Variants in DOCK7 observed in about 807,000 individuals in gnomAD.
DOCK7 encodes the protein dedicator of cytokinesis 7.
DOCK7 carries 138 observed loss-of-function variants against 271.0 expected under a neutral mutation model. The ratio of observed to expected loss-of-function variants is 0.51; its 90% confidence interval spans 0.44 to 0.59. The LOEUF is 0.59. Ranked by LOEUF, DOCK7 falls within the 20% of genes least tolerant of loss-of-function variation. DOCK7 has a pLI of 0.00. For missense variants in DOCK7, 2,066 were observed against 2,592.4 expected (o/e 0.80, Z 4.41); for synonymous variants, 823 against 876.1 (o/e 0.94, Z 1.07).
intron 31 of DOCK7, 150 bp from the exon 32 acceptor site, chr1:62,514,048 C>A (rs975611809): frequency 6.0e-6 from 4 of 663,638 alleles, no homozygotes; most frequent in Non-Finnish European, 7.3e-6. Flanking sequence ...AACACTTGTA[C>A]AAAAGGATCA....
At chr1:62,508,305 G>C (rs1644373333) in intron 34 of DOCK7, among the ~76,000 whole-genome samples, 1 of 152,138 alleles carries the variant, frequency 6.6e-6, no homozygotes, top group Non-Finnish European at 1.5e-5. Flanking sequence ...AAATGTTTAT[G>C]TTTTAGCTTT....
At chr1:62,455,949 A>G (rs963157443) in intron 49 of DOCK7, among the ~76,000 whole-genome samples, 1 of 152,222 alleles carries the variant, frequency 6.6e-6, no homozygotes, top group Non-Finnish European at 1.5e-5. Context: ...TTAAGTTACT[A>G]TAAAATAACC....
Position 62,494,355 on chromosome 1 carries a change from G to A in DOCK7, c.5137C>T (p.His1713Tyr). ...TATTCAGCAACAAGTGCTGCTGAGT[G>A]GACTAGACACTGTGCAGCTTCAGCA... ...NHAEAAQCLV[H>Y]SAALVAEYLS... is the part of the protein sequence containing the mutation. The change falls in exon 40 of 50, where the codon CAC (histidine) becomes TAC (tyrosine). Residue 1713 changes from histidine to tyrosine, a missense_variant. His to Tyr is a moderately conservative substitution (Grantham distance 83). Transcript: ENST00000635253. 2 of 1,613,380 alleles carry A rather than the reference G, an allele frequency of 1.2e-6. No individual in the cohort carries two copies. Among genetic ancestry groups the A allele is most frequent in the Non-Finnish European group, 1.7e-6 (2 of 1,179,460 alleles).
intron 18 of DOCK7, among the ~76,000 whole-genome samples, chr1:62,566,969 A>G (rs1646538111): frequency 1.3e-5 from 2 of 152,254 alleles, no homozygotes; most frequent in African/African-American, 4.8e-5. Flanking sequence ...TGATCAATAG[A>G]GAAATGCAAA....
At chr1:62,460,659 T>C (rs1645497785) in intron 48 of DOCK7, among the ~76,000 whole-genome samples, 2 of 151,882 alleles carry the variant, frequency 1.3e-5, no homozygotes, top group Admixed American at 1.3e-4. Flanking sequence ...TATTTTTCTT[T>C]TTTTCTTTTT....
chr1:62,632,322 A>G (rs527735646), intron 10 of DOCK7, among the ~76,000 whole-genome samples: 4 of 152,336 alleles, frequency 2.6e-5, no homozygotes, highest in African/African-American at 9.6e-5. Flanking sequence ...CTGCTAGTAT[A>G]TTTAAGAGCA....
intron 31 of DOCK7, among the ~76,000 whole-genome samples, chr1:62,523,994 G>A (rs541573333): frequency 7.9e-5 from 12 of 151,878 alleles, no homozygotes; most frequent in African/African-American, 2.4e-4. Context: ...AACTGACAAT[G>A]GACTTGATCT....
chr1:62,668,891 C>T (rs1659614945), intron 1 of DOCK7, among the ~76,000 whole-genome samples: 2 of 148,436 alleles, frequency 1.3e-5, no homozygotes, highest in East Asian at 2.0e-4. Flanking sequence ...TACCACTGCA[C>T]TCCAGCCTGG....
At position 62,503,781 on chromosome 1, in the gene DOCK7, C is replaced by T. The variant is rs182201235; in HGVS notation, c.4764+849G>A. On this transcript the variant is annotated intron_variant, in intron 37 of 49. Coordinates refer to ENST00000635253, the MANE Select transcript of DOCK7 (RefSeq NM_001367561.1). ...AAAGGCTAGCAGCCAGGCGCGGTGGCTCACTCCTGTAATCCCAGCACTTTG... is the reference window on the plus strand; with the variant it reads ...AAAGGCTAGCAGCCAGGCGCGGTGGTTCACTCCTGTAATCCCAGCACTTTG... Among the ~76,000 whole-genome samples the T allele has an allele frequency of 5.9e-3, 898 of 152,154 alleles. 6 individuals are homozygous for T. Among genetic ancestry groups the T allele is most frequent in the African/African-American group, 0.02 (847 of 41,540 alleles).
chr1:62,552,975 A>G, intron 21 of DOCK7, 74 bp from the exon 22 acceptor site: 2 of 1,186,228 alleles, frequency 1.7e-6, no homozygotes. Context: ...AATCTCTGCC[A>G]CTTTAGAAAA....
chr1:62,549,333 T>C (rs1337224604), intron 22 of DOCK7, among the ~76,000 whole-genome samples: 1 of 151,972 alleles, frequency 6.6e-6, no homozygotes, highest in Non-Finnish European at 1.5e-5. Context: ...ACAAGGACAG[T>C]TTTGGTGGAA....
chr1:62,664,127 T>C (rs374902908), intron 1 of DOCK7, among the ~76,000 whole-genome samples: 2 of 152,118 alleles, frequency 1.3e-5, no homozygotes, highest in East Asian at 3.8e-4. Flanking sequence ...AAGGCAAAAC[T>C]ATGGAAGACA....
chr1:62,474,097 T>C lies in DOCK7; in HGVS notation c.6106-9A>G, dbSNP rs770781027. The C allele has an allele frequency of 2.5e-6, 4 of 1,599,372 alleles. No homozygotes were observed. The highest frequency in any genetic ancestry group is 2.6e-6 in the Non-Finnish European group (3 of 1,171,844). Reference sequence around the variant, plus strand: ...GCAACTTCCAAAGGCCCCTGCAAAATAAGAAAATAAGAAGTGTGTTTTTTT... The same window carrying C: ...GCAACTTCCAAAGGCCCCTGCAAAACAAGAAAATAAGAAGTGTGTTTTTTT... On this transcript the variant is annotated splice_polypyrimidine_tract_variant and intron_variant, in intron 47 of 49. Coordinates refer to ENST00000635253, the MANE Select transcript of DOCK7 (RefSeq NM_001367561.1).
At chr1:62,647,550 T>G in intron 7 of DOCK7, 141 bp downstream of exon 7, 1 of 631,288 alleles carries the variant, frequency 1.6e-6, no homozygotes, top group Non-Finnish European at 2.8e-6. Flanking sequence ...GAATGCTGAA[T>G]AGTATTTAAA....
chr1:62,614,535 C>T (rs567670141), intron 14 of DOCK7, among the ~76,000 whole-genome samples: 3 of 151,974 alleles, frequency 2.0e-5, no homozygotes, highest in African/African-American at 7.2e-5. Context: ...TCCAATTATA[C>T]CCCAGATGCC....
chr1:62,585,495 C>T (rs1647390352), intron 15 of DOCK7, among the ~76,000 whole-genome samples: 1 of 152,128 alleles, frequency 6.6e-6, no homozygotes, highest in Non-Finnish European at 1.5e-5. Context: ...ATGAAACTTG[C>T]ATTTATTAGT....
At chr1:62,482,927 A>G (rs1277743246) in intron 43 of DOCK7, 1 of 152,188 alleles carries the variant, frequency 6.6e-6, no homozygotes, top group African/African-American at 2.4e-5. Flanking sequence ...TATCAGAAGG[A>G]CATATCTGAC....
intron 43 of DOCK7, chr1:62,486,842 AC>A (rs1294429378): frequency 1.3e-5 from 2 of 152,080 alleles, no homozygotes; most frequent in Non-Finnish European, 1.5e-5. Flanking sequence ...TCTAAAATGT[AC>A]TTTTTTTGCT....
At chr1:62,520,874 C>A (rs1015445460) in intron 31 of DOCK7, among the ~76,000 whole-genome samples, 2 of 152,070 alleles carry the variant, frequency 1.3e-5, no homozygotes, top group Non-Finnish European at 2.9e-5. Context: ...CAATGATAGG[C>A]TGGATAAAGA....
Sources: allele counts gnomAD v4.1 joint callset (sites outside exome capture counted in the v4.1 genomes callset), GRCh38; gene constraint gnomAD v4.1.1; transcripts MANE v1.5; gene names NCBI Gene and HGNC (gene_info 2026-07-23, HGNC 2026-07-21).